The following GAB2 variants were observed in gnomAD, a reference collection of about 807,000 sequenced individuals.
GAB2 encodes GRB2 associated binding protein 2.
Under a neutral mutation model 65.5 loss-of-function variants are expected in GAB2, and 26 were observed. That is an observed-to-expected ratio of 0.40 (90% CI 0.29 to 0.55). GAB2 has a LOEUF of 0.55. GAB2 is among the 20% of genes least tolerant of loss of function. The probability of loss-of-function intolerance (pLI) is 0.53; values close to 1 mark genes in which losing one functional copy is unlikely to be tolerated. For missense variants in GAB2, 884 were observed against 875.8 expected (o/e 1.01, Z -0.12); for synonymous variants, 321 against 329.6 (o/e 0.97, Z 0.28).
intron 1 of GAB2, among the ~76,000 whole-genome samples, chr11:78,390,483 G>C (rs1234977361): frequency 6.6e-6 from 1 of 152,136 alleles, no homozygotes; most frequent in East Asian, 1.9e-4. Flanking sequence ...TAGCTACTCG[G>C]GAGGCTGATG....
chr11:78,407,902 AGG>A (rs1282290853), intron 1 of GAB2, among the ~76,000 whole-genome samples: 7 of 152,190 alleles, frequency 4.6e-5, no homozygotes, highest in African/African-American at 1.7e-4. Context: ...AGTATTTTAC[AGG>A]TGCTCAAAGA....
intron 1 of GAB2, among the ~76,000 whole-genome samples, chr11:78,284,678 C>T (rs1236527098): frequency 4.6e-5 from 7 of 152,112 alleles, no homozygotes; most frequent in African/African-American, 9.7e-5. Context: ...TCCTGGTCCC[C>T]GATGCTCCCA....
At chr11:78,370,073 C>T (rs962272700) in intron 1 of GAB2, among the ~76,000 whole-genome samples, 5 of 151,564 alleles carry the variant, frequency 3.3e-5, no homozygotes, top group African/African-American at 4.8e-5. Flanking sequence ...CCGGCTAAAA[C>T]GGTGAAACCC....
intron 1 of GAB2, among the ~76,000 whole-genome samples, chr11:78,401,335 TTC>T (rs1365511037): frequency 6.6e-6 from 1 of 152,232 alleles, no homozygotes; most frequent in East Asian, 1.9e-4. Flanking sequence ...GCACTAGACT[TTC>T]TGTCTCTCTG....
intron 9 of GAB2, 74 bp downstream of exon 9, chr11:78,220,245 C>T (rs1358780975): frequency 6.5e-7 from 1 of 1,535,444 alleles, no homozygotes; most frequent in African/African-American, 1.4e-5. Context: ...GTGTTGAAGG[C>T]ACCCTGGCCT....
chr11:78,399,380 T>C (rs1856941803), intron 1 of GAB2, among the ~76,000 whole-genome samples: 1 of 152,182 alleles, frequency 6.6e-6, no homozygotes, highest in South Asian at 2.1e-4. Context: ...GAGCTAACCT[T>C]TGAAGGGTTA....
At chr11:78,340,043 G>A (rs1301648123) in intron 1 of GAB2, among the ~76,000 whole-genome samples, 1 of 152,194 alleles carries the variant, frequency 6.6e-6, no homozygotes, top group African/African-American at 2.4e-5. Flanking sequence ...TGCACCAGGT[G>A]TGAAATGGTA....
chr11:78,314,691 G>C (rs915916569), intron 1 of GAB2, among the ~76,000 whole-genome samples: 10 of 152,246 alleles, frequency 6.6e-5, no homozygotes, highest in African/African-American at 2.4e-4. Flanking sequence ...CTGGTGGACA[G>C]AGACCAGGTC....
chr11:78,296,364 A>C (rs1376198641), intron 1 of GAB2, among the ~76,000 whole-genome samples: 1 of 152,182 alleles, frequency 6.6e-6, no homozygotes, highest in Non-Finnish European at 1.5e-5. Flanking sequence ...CTGTTTAAAG[A>C]CACCTTATTT....
In GAB2 at chr11:78,225,191, C is replaced by A; in HGVS notation, c.1219G>T (p.Glu407Ter). 6.2e-7 allele frequency: 1 copy of A among 1,610,046 alleles called. No individual in the cohort carries two copies. Among genetic ancestry groups the A allele is most frequent in the Non-Finnish European group, 8.5e-7 (1 of 1,176,312 alleles). ...CCACGCTGTGGGTACTCGTAGGTCT[C>A]ACAGGAAGAAGCTGACAGAGGAAGG... ...NSRLHRASSC[E>*]TYEYPQRGGE... The change falls in exon 5 of 10, where the codon GAG becomes TAG. Residue 407 changes from glutamate (E) to a stop codon, truncating the protein, a stop_gained. Transcript: ENST00000361507. LOFTEE classifies it high-confidence loss of function.
At chr11:78,292,918 A>C (rs1052256549) in intron 1 of GAB2, among the ~76,000 whole-genome samples, 1 of 152,228 alleles carries the variant, frequency 6.6e-6, no homozygotes, top group Middle Eastern at 3.2e-3. Context: ...AAAGAAGTTC[A>C]TAGAGATTAA....
At chr11:78,265,357 A>G (rs1865848739) in intron 2 of GAB2, among the ~76,000 whole-genome samples, 1 of 152,056 alleles carries the variant, frequency 6.6e-6, no homozygotes, top group African/African-American at 2.4e-5. Flanking sequence ...ATCTTGAACA[A>G]ATTAGTTGCC....
intron 1 of GAB2, among the ~76,000 whole-genome samples, chr11:78,291,084 G>A (rs749818254): frequency 4.9e-4 from 75 of 152,010 alleles, no homozygotes; most frequent in Non-Finnish European, 8.7e-4. Context: ...AGAAGTGGTG[G>A]CAGGATTTGT....
chr11:78,267,857 C>CAAAAAAAAAAAAAAAA (rs751533828), intron 2 of GAB2, among the ~76,000 whole-genome samples: 12 of 32,798 alleles, frequency 3.7e-4, no homozygotes, highest in East Asian at 1.6e-3. Context: ...GACTCCGTCT[C>CAAAAAAAAAAAAAAAA]AAAAAAAAAA....
At chr11:78,398,036 A>ACACACACACACACACACACACC (rs1423604764) in intron 1 of GAB2, among the ~76,000 whole-genome samples, 2 of 150,878 alleles carry the variant, frequency 1.3e-5, no homozygotes, top group African/African-American at 4.9e-5. Flanking sequence ...ACACACACAC[A>ACACACACACACACACACACACC]CACACATCCC....
chr11:78,264,981 T>G (rs1403220680), intron 2 of GAB2, among the ~76,000 whole-genome samples: 1 of 152,166 alleles, frequency 6.6e-6, no homozygotes, highest in Non-Finnish European at 1.5e-5. Context: ...TAATATGTAC[T>G]TATTGTGTAC....
intron 1 of GAB2, among the ~76,000 whole-genome samples, chr11:78,333,332 C>G (rs747397926): frequency 6.6e-6 from 1 of 152,178 alleles, no homozygotes; most frequent in Non-Finnish European, 1.5e-5. Flanking sequence ...GTGGTGCGAT[C>G]ATGGCTCACT....
At chr11:78,364,814 A>G (rs1255863004) in intron 1 of GAB2, among the ~76,000 whole-genome samples, 2 of 152,214 alleles carry the variant, frequency 1.3e-5, no homozygotes, top group African/African-American at 4.8e-5. Context: ...ATATCTACTG[A>G]TATCAGAAGA....
intron 2 of GAB2, among the ~76,000 whole-genome samples, chr11:78,276,128 AGAAG>A (rs1866163872): frequency 6.7e-6 from 1 of 149,236 alleles, no homozygotes; most frequent in Non-Finnish European, 1.5e-5. Flanking sequence ...AAAAAAAAAA[AGAAG>A]AAGAAAAGAA....
Sources: allele counts gnomAD v4.1 joint callset (sites outside exome capture counted in the v4.1 genomes callset), GRCh38; gene constraint gnomAD v4.1.1; transcripts MANE v1.5; gene names NCBI Gene and HGNC (gene_info 2026-07-23, HGNC 2026-07-21).